Variants in SUCO observed in about 807,000 individuals in gnomAD.
SUCO encodes SUN domain-containing ossification factor.
In SUCO, 57 loss-of-function variants were observed where a neutral mutation model predicts 148.1. That is an observed-to-expected ratio of 0.38 (90% CI 0.31 to 0.48). SUCO has a LOEUF of 0.48. Among genes scored for constraint, SUCO ranks in the 20% least tolerant of loss-of-function variants. The pLI, the probability that SUCO is intolerant of heterozygous loss-of-function variation, is 0.96. For missense variants in SUCO, 1,331 were observed against 1,468.2 expected (o/e 0.91, Z 1.53); for synonymous variants, 470 against 502.7 (o/e 0.93, Z 0.87).
intron 3 of SUCO, chr1:172,555,464 G>C: frequency 2.1e-6 from 2 of 950,488 alleles, no homozygotes; most frequent in Non-Finnish European, 1.3e-6. Flanking sequence ...ATCTTATATC[G>C]TTGCTTATTG....
At chr1:172,602,518 C>A (rs1657593613) in intron 21 of SUCO, 178 bp from the exon 22 acceptor site, 2 of 983,454 alleles carry the variant, frequency 2.0e-6, no homozygotes, top group African/African-American at 3.5e-5. Context: ...AATACAGTAC[C>A]TTTTAGACAA....
Position 172,589,863 on chromosome 1 carries a change from G to A in SUCO, c.2762G>A (p.Arg921His), listed in dbSNP as rs999088952. 23 of 1,581,294 alleles carry A rather than the reference G, an allele frequency of 1.5e-5. No homozygotes were observed. The highest frequency in any genetic ancestry group is 2.0e-5 in the Non-Finnish European group (23 of 1,170,024). Reference protein sequence around the residue: ...KESVFMRLNNRIKALEVNMSL... With the variant: ...KESVFMRLNNHIKALEVNMSL... ...TCAGTATTTATGAGACTTAATAATC[G>A]TATTAAAGCCTTAGAAGTTAACATG... Residue 921 changes from arginine (R) to histidine (H), a missense_variant, in exon 18 of 24, where the codon CGT (arginine) becomes CAT (histidine). Arg to His is a conservative substitution (Grantham distance 29). Transcript: ENST00000263688.
intron 20 of SUCO, 105 bp from the exon 21 acceptor site, chr1:172,601,959 A>T: frequency 1.7e-6 from 2 of 1,184,404 alleles, no homozygotes; most frequent in South Asian, 4.0e-5. Flanking sequence ...TTTGAAGCAC[A>T]TTAAAAAAAT....
At chr1:172,553,671 T>G (rs1653484990) in intron 3 of SUCO, among the ~76,000 whole-genome samples, 1 of 152,154 alleles carries the variant, frequency 6.6e-6, no homozygotes, top group Non-Finnish European at 1.5e-5. Flanking sequence ...TTTCAGTTGT[T>G]AAGAAATTTT....
intron 6 of SUCO, among the ~76,000 whole-genome samples, chr1:172,567,737 G>T (rs1347391966): frequency 1.3e-5 from 2 of 152,092 alleles, no homozygotes; most frequent in Admixed American, 1.3e-4. Flanking sequence ...TATACATGGG[G>T]TGTATTTAGG....
intron 9 of SUCO, among the ~76,000 whole-genome samples, chr1:172,571,756 G>A (rs1192543083): frequency 6.3e-5 from 1 of 15,900 alleles, no homozygotes; most frequent in South Asian, 2.7e-3. Context: ...GCGCGACCCC[G>A]TCTGGGAGTT....
chr1:172,584,406 T>C, intron 15 of SUCO: 2 of 909,888 alleles, frequency 2.2e-6, no homozygotes, highest in Non-Finnish European at 2.6e-6. Flanking sequence ...AGACTGTATG[T>C]TGAGTTATAC....
intron 17 of SUCO, among the ~76,000 whole-genome samples, chr1:172,586,485 T>C (rs529595165): frequency 1.5e-4 from 23 of 152,208 alleles, no homozygotes; most frequent in Non-Finnish European, 2.8e-4. Flanking sequence ...AGGTAATAGA[T>C]ATATCTTTTA....
chr1:172,578,801 G>A (rs571067563), intron 14 of SUCO, among the ~76,000 whole-genome samples: 160 of 152,110 alleles, frequency 1.1e-3, no homozygotes, highest in Non-Finnish European at 1.9e-3. Flanking sequence ...TGACTCTAAA[G>A]AGTTAGAGGA....
At chr1:172,583,582 C>G (rs753012217) in intron 15 of SUCO, among the ~76,000 whole-genome samples, 6 of 152,158 alleles carry the variant, frequency 3.9e-5, no homozygotes, top group Non-Finnish European at 8.8e-5. Flanking sequence ...AGATTTTTCT[C>G]TCTTAGATCC....
At chr1:172,555,697 C>T (rs1030177833) in intron 3 of SUCO, 172 bp from the exon 4 acceptor site, 4 of 235,298 alleles carry the variant, frequency 1.7e-5, no homozygotes, top group Non-Finnish European at 2.8e-5. Context: ...ATATGAAATG[C>T]ATTCCTTAGG....
In SUCO at chr1:172,602,224, A is replaced by G. The variant is rs1657576648; in HGVS notation, c.3173+6A>G. On this transcript the variant is annotated splice_donor_region_variant and intron_variant, in intron 21 of 23. Coordinates refer to ENST00000263688, the MANE Select transcript of SUCO (RefSeq NM_014283.5). ...CAGTATCCAAGCCCTAAAAGGTAAT[A>G]TCAGCATTATATTTCACAATTTTAT... 1.9e-6 allele frequency: 3 copies of G among 1,585,596 alleles called. No individual in the cohort carries two copies. Among genetic ancestry groups the G allele is most frequent in the Admixed American group, 1.8e-5 (1 of 54,998 alleles).
chr1:172,540,811 AAG>A (rs1488400879), intron 1 of SUCO, among the ~76,000 whole-genome samples: 1 of 152,156 alleles, frequency 6.6e-6, no homozygotes, highest in African/African-American at 2.4e-5. Flanking sequence ...GTCAAGGAGA[AAG>A]AGAGTTATGA....
At chr1:172,580,163 T>TCTTTCTTTC (rs1268531198) in intron 15 of SUCO, among the ~76,000 whole-genome samples, 1 of 152,162 alleles carries the variant, frequency 6.6e-6, no homozygotes, top group Non-Finnish European at 1.5e-5. Context: ...GCCTTTTCTT[T>TCTTTCTTTC]CTTTCTTTCC....
In SUCO at chr1:172,533,316, G is replaced by T. The variant is rs759366990; in HGVS notation, c.-120G>T. On this transcript the variant is annotated 5_prime_UTR_variant, in exon 1 of 24. Coordinates refer to ENST00000263688, the MANE Select transcript of SUCO (RefSeq NM_014283.5). ...GAGGAGCCGCTCAGCCAGCGCCATA[G>T]CCCTTAGGACTATCGGTCACATTCT... is the stretch of plus-strand genomic sequence containing the variant. 3 of 1,551,076 alleles carry T rather than the reference G, an allele frequency of 1.9e-6. No homozygotes were observed. The highest frequency in any genetic ancestry group is 2.4e-5 in the East Asian group (1 of 40,910).
intron 19 of SUCO, among the ~76,000 whole-genome samples, chr1:172,598,936 A>AC (rs1300166514): frequency 1.7e-4 from 26 of 151,890 alleles, no homozygotes; most frequent in South Asian, 4.2e-4. Flanking sequence ...AGTTTTATAC[A>AC]CCCCCCCTCT....
At chr1:172,608,642 G>A in intron 22 of SUCO, 105 bp from the exon 23 acceptor site, 1 of 795,772 alleles carries the variant, frequency 1.3e-6, no homozygotes, top group South Asian at 1.5e-5. Context: ...ATTACTAGAG[G>A]ATAATAAGGA....
At position 172,577,597 on chromosome 1, in the gene SUCO, G is replaced by T. The variant is rs192810978; in HGVS notation, c.1284+38G>T. The T allele has an allele frequency of 2.2e-5, 35 of 1,607,246 alleles. No homozygotes were observed. The East Asian group carries it at 3.6e-4, about 16-fold the overall frequency. On this transcript the variant is annotated intron_variant, in intron 12 of 23. Coordinates refer to ENST00000263688, the MANE Select transcript of SUCO (RefSeq NM_014283.5). ...CTCTTTTGCACTATTAAATAACAGG[G>T]CATGGCGTATTAATGCATTACAAAA...
chr1:172,579,160 G>A, intron 14 of SUCO, 42 bp from the exon 15 acceptor site: 2 of 1,109,082 alleles, frequency 1.8e-6, no homozygotes, highest in Non-Finnish European at 2.7e-6. Context: ...TACCATTGGA[G>A]CTAGATCTCA....
Sources: gnomAD v4.1 joint callset for allele counts (sites outside exome capture counted in the v4.1 genomes callset) on GRCh38, gnomAD v4.1.1 for gene constraint, MANE v1.5 for transcripts, NCBI Gene and HGNC (gene_info 2026-07-23, HGNC 2026-07-21) for gene names.